Variants in TMEM131 observed in about 807,000 individuals in gnomAD.
TMEM131 encodes 2610524E03Rik.
In TMEM131, 66 loss-of-function variants were observed where a neutral mutation model predicts 211.6. The observed-to-expected ratio is 0.31, with a 90% CI of 0.26 to 0.38. The LOEUF (loss-of-function observed/expected upper bound fraction) is 0.38, where lower values mean the gene tolerates loss of function less well. TMEM131 is among the 10% of genes least tolerant of loss of function. The pLI is 1.00. For missense variants in TMEM131, 2,036 were observed against 2,299.3 expected (o/e 0.89, Z 2.34); for synonymous variants, 844 against 841.3 (o/e 1.00, Z -0.06).
chr2:97,927,469 C>A lies in TMEM131; in HGVS notation c.206G>T (p.Ser69Ile). 6.3e-7 allele frequency: 1 copy of A among 1,582,856 alleles called. No individual in the cohort carries two copies. The highest frequency in any genetic ancestry group is 8.6e-7 in the Non-Finnish European group (1 of 1,165,926). ...AEKEAFVQSE[S>I]IIEVLRFDDG... ...ATCAAAACGCAGTACTTCTATTATG[C>A]TCTCTGACTGAACGAATGCTGTGAA... The change falls in exon 2 of 41, where the codon AGC becomes ATC. Residue 69 changes from serine (S) to isoleucine (I), a missense_variant. Physicochemically the swap from Ser to Ile is moderately radical, Grantham distance 142. This residue lies in a region of TMEM131 where 136 missense variants were observed against 115.4 expected (regional missense o/e 1.18). Transcript: ENST00000186436.
intron 5 of TMEM131, among the ~76,000 whole-genome samples, chr2:97,849,158 T>A (rs981657620): frequency 6.6e-6 from 1 of 152,116 alleles, no homozygotes; most frequent in African/African-American, 2.4e-5. Context: ...AACCTCACAA[T>A]ACAGAGTGCT....
intron 2 of TMEM131, among the ~76,000 whole-genome samples, chr2:97,924,945 T>A (rs1225510738): frequency 6.6e-6 from 1 of 152,148 alleles, no homozygotes. Flanking sequence ...AGTGGCACAA[T>A]CACAGCTCAC....
chr2:97,795,053 C>A lies in TMEM131; in HGVS notation c.3263G>T (p.Gly1088Val). 6.2e-7 allele frequency: 1 copy of A among 1,613,836 alleles called. No individual in the cohort carries two copies. The highest frequency in any genetic ancestry group is 8.5e-7 in the Non-Finnish European group (1 of 1,179,776). Reference protein sequence around the residue: ...IRELKFITTSGSEFVFILNAS... With the variant: ...IRELKFITTSVSEFVFILNAS... ...ATTCAATATAAATACAAACTCAGAGCCACTGGTTGTTATAAACTTCAGTTC... is the reference window on the plus strand; with the variant it reads ...ATTCAATATAAATACAAACTCAGAGACACTGGTTGTTATAAACTTCAGTTC... Residue 1088 changes from glycine to valine, a missense_variant, in exon 29 of 41, where the codon GGC becomes GTC. By Grantham distance (109) the Gly-to-Val change is moderately radical (BLOSUM62 -3). Around this residue, in one of 3 missense-constraint regions of TMEM131, gnomAD observed 1,623 missense variants for 1,805.9 expected, o/e 0.90. Transcript: ENST00000186436.
intron 2 of TMEM131, among the ~76,000 whole-genome samples, chr2:97,918,304 T>A (rs904022264): frequency 6.6e-6 from 1 of 152,090 alleles, no homozygotes; most frequent in Non-Finnish European, 1.5e-5. Flanking sequence ...AGGTATAAAC[T>A]CAGATGTGAT....
chr2:97,932,535 TATACC>T lies in TMEM131; in HGVS notation c.188-5053_188-5049del, dbSNP rs539856816. 8.5e-5 allele frequency among the ~76,000 whole-genome samples: 13 copies of T among 152,346 alleles called. No individual in the cohort carries two copies. In the South Asian group the frequency reaches 2.1e-3, roughly 24 times the overall value. On this transcript the variant is annotated intron_variant, in intron 1 of 40. Transcript: ENST00000186436. The stretch of plus-strand genomic sequence containing the variant: ...CTATGTAATTCAGATGTGCAGGATA[TATACC>T]ATACATCTAAAAAGATGAGCCAGAA...
At position 97,758,973 on chromosome 2, in the gene TMEM131, A is replaced by T; in HGVS notation, c.5287T>A (p.Ser1763Thr). 2 of 1,614,078 alleles carry T rather than the reference A, an allele frequency of 1.2e-6. No individual in the cohort carries two copies. The highest frequency in any genetic ancestry group is 2.2e-5 in the South Asian group (2 of 91,088). ...RSWNEFNSGP[S>T]YLWESPATDP... ...GTCGCTGGCGACTCCCAAAGGTATG[A>T]AGGGCCACTATTAAACTCGTTCCAG... The change falls in exon 40 of 41, where the codon TCA (serine) becomes ACA (threonine). Residue 1763 changes from serine (S) to threonine (T), a missense_variant. Physicochemically the swap from Ser to Thr is moderately conservative, Grantham distance 58. Coordinates refer to ENST00000186436, the MANE Select transcript of TMEM131 (RefSeq NM_015348.2).
At chr2:97,885,207 T>C (rs1414532535) in intron 4 of TMEM131, among the ~76,000 whole-genome samples, 1 of 152,196 alleles carries the variant, frequency 6.6e-6, no homozygotes, top group Non-Finnish European at 1.5e-5. Context: ...GTGAAAGATT[T>C]TTTTTTTTGA....
At position 97,995,667 on chromosome 2, in the gene TMEM131, G is replaced by T; in HGVS notation, c.-5C>A. 8.3e-7 allele frequency: 1 copy of T among 1,204,734 alleles called. No homozygotes were observed. The highest frequency in any genetic ancestry group is 1.6e-5 in the African/African-American group (1 of 63,210). The allele number at this position is 1,204,734 out of a possible 1,614,324, so 74.6% of individuals were successfully genotyped here. A position where few individuals can be genotyped will look rare whatever the true frequency, so the allele number is the denominator to read the frequency against. ...TCCTCCCGCCCGCTTCCCCATCCCT[G>T]CCGGCCGGGGGCCGCCGCGCTCGAG... On this transcript the variant is annotated 5_prime_UTR_variant, in exon 1 of 41. Transcript: ENST00000186436.
rs188265812 is a variant in TMEM131, at chr2:97,786,286, C to T, written c.4144+6100G>A. On this transcript the variant is annotated intron_variant, in intron 31 of 40. Transcript: ENST00000186436. ...GTGGCCAGATACGATGTGGCTCACACTTGTAATCCCAGCACTTTGGGAGGC... is the reference window on the plus strand; with the variant it reads ...GTGGCCAGATACGATGTGGCTCACATTTGTAATCCCAGCACTTTGGGAGGC... 2.0e-5 allele frequency among the ~76,000 whole-genome samples: 3 copies of T among 152,286 alleles called. No homozygotes were observed. In the East Asian group the frequency reaches 5.8e-4, roughly 29 times the overall value.
chr2:97,812,990 TAA>T (rs1314309505), intron 15 of TMEM131, among the ~76,000 whole-genome samples: 1 of 144,696 alleles, frequency 6.9e-6, no homozygotes. Context: ...AGACTCCATC[TAA>T]AAAAAAAAAA....
chr2:97,918,154 C>T (rs1482929510), intron 2 of TMEM131, among the ~76,000 whole-genome samples: 4 of 151,942 alleles, frequency 2.6e-5, no homozygotes, highest in Admixed American at 6.6e-5. Context: ...ATGTTGGTCA[C>T]GCTGGTCTCG....
intron 4 of TMEM131, among the ~76,000 whole-genome samples, chr2:97,881,387 T>C (rs1206262667): frequency 6.6e-6 from 1 of 151,904 alleles, no homozygotes; most frequent in East Asian, 1.9e-4. Context: ...TTAAAATTTT[T>C]TGTAGGGATT....
chr2:97,907,931 C>T (rs1185407766), intron 3 of TMEM131, among the ~76,000 whole-genome samples: 1 of 152,140 alleles, frequency 6.6e-6, no homozygotes, highest in African/African-American at 2.4e-5. Context: ...TCCTTTACAT[C>T]TATGGTCCTC....
chr2:97,887,531 G>A (rs1225000013), intron 4 of TMEM131, among the ~76,000 whole-genome samples: 5 of 152,054 alleles, frequency 3.3e-5, no homozygotes, highest in African/African-American at 7.3e-5. Flanking sequence ...AGGCCCGGGG[G>A]TCTCTCCTGC....
At chr2:97,940,591 G>A (rs1005381575) in intron 1 of TMEM131, among the ~76,000 whole-genome samples, 3 of 152,032 alleles carry the variant, frequency 2.0e-5, no homozygotes, top group Admixed American at 6.6e-5. Context: ...GGCGGATCAC[G>A]AGGTCAGGAG....
At chr2:97,974,257 G>A (rs1442119817) in intron 1 of TMEM131, among the ~76,000 whole-genome samples, 2 of 152,064 alleles carry the variant, frequency 1.3e-5, no homozygotes, top group African/African-American at 4.8e-5. Context: ...AAAAATTAGG[G>A]AACTTGAAGG....
chr2:97,845,759 CAA>C (rs59502408), intron 5 of TMEM131, among the ~76,000 whole-genome samples: 18 of 122,178 alleles, frequency 1.5e-4, no homozygotes, highest in African/African-American at 5.5e-4. Context: ...CAGAAAGTAG[CAA>C]AAAAAAAAAA....
intron 3 of TMEM131, among the ~76,000 whole-genome samples, chr2:97,888,918 C>T (rs1408381977): frequency 6.6e-6 from 1 of 152,098 alleles, no homozygotes; most frequent in African/African-American, 2.4e-5. Context: ...GAGCAAAACC[C>T]ATTTTGTGAG....
At chr2:97,965,439 T>C (rs548015785) in intron 1 of TMEM131, among the ~76,000 whole-genome samples, 161 of 152,364 alleles carry the variant, frequency 1.1e-3, no homozygotes, top group African/African-American at 3.8e-3. Context: ...ATTCTGTCTC[T>C]TTCTAACTCC....
Sources: gnomAD v4.1 joint callset for allele counts (sites outside exome capture counted in the v4.1 genomes callset) on GRCh38, gnomAD v4.1.1 for gene constraint, gnomAD v4.1.1 regional missense constraint, MANE v1.5 for transcripts, NCBI Gene and HGNC (gene_info 2026-07-23, HGNC 2026-07-21) for gene names.